Variants in SGMS2 observed in about 807,000 individuals in gnomAD.
SGMS2 encodes the protein sphingomyelin synthase 2.
In SGMS2, 21 loss-of-function variants were observed where a neutral mutation model predicts 43.8. The observed-to-expected ratio is 0.48, with a 90% CI of 0.34 to 0.69. The LOEUF is 0.69. Among genes scored for constraint, SGMS2 ranks in the 30% least tolerant of loss-of-function variants. The probability of loss-of-function intolerance (pLI) is 0.01; values close to 1 mark genes in which losing one functional copy is unlikely to be tolerated. For missense variants in SGMS2, 384 were observed against 443.2 expected (o/e 0.87, Z 1.20); for synonymous variants, 167 against 160.6 (o/e 1.04, Z -0.30).
chr4:107,894,869 T>C (rs1428586239), intron 2 of SGMS2, among the ~76,000 whole-genome samples: 14 of 152,224 alleles, frequency 9.2e-5, no homozygotes, highest in Non-Finnish European at 2.1e-4. Context: ...GTAACAATTA[T>C]TCAATGCATA....
At chr4:107,846,068 A>C (rs897548157) in intron 1 of SGMS2, among the ~76,000 whole-genome samples, 5 of 152,088 alleles carry the variant, frequency 3.3e-5, no homozygotes, top group Non-Finnish European at 7.4e-5. Flanking sequence ...GCAAATTGTC[A>C]TTATTCTTAA....
intron 1 of SGMS2, among the ~76,000 whole-genome samples, chr4:107,849,596 C>T (rs1412575437): frequency 6.6e-6 from 1 of 152,090 alleles, no homozygotes; most frequent in Non-Finnish European, 1.5e-5. Flanking sequence ...AGATGAACTG[C>T]AAATTGTGGT....
intron 5 of SGMS2, among the ~76,000 whole-genome samples, chr4:107,903,638 A>G (rs532365078): frequency 5.9e-5 from 9 of 152,202 alleles, no homozygotes; most frequent in Admixed American, 5.9e-4. Flanking sequence ...GCTTCTCTCT[A>G]GCATTTAACA....
At position 107,876,761 on chromosome 4, in the gene SGMS2, C is replaced by G. The variant is rs75986325; in HGVS notation, c.-245+18208C>G. On this transcript the variant is annotated intron_variant, in intron 2 of 6. Coordinates refer to ENST00000690982, the MANE Select transcript of SGMS2 (RefSeq NM_001375905.1). Reference sequence around the variant, plus strand: ...ATTTTTTATCCTGAGTTTTCTACAACAAGATTATGTTTCCAAATCTAGGAA... The same window carrying G: ...ATTTTTTATCCTGAGTTTTCTACAAGAAGATTATGTTTCCAAATCTAGGAA... Among the ~76,000 whole-genome samples the G allele has an allele frequency of 7.0e-3, 1,062 of 152,106 alleles. 8 individuals carry two copies. The highest frequency in any genetic ancestry group is 0.024 in the African/African-American group (1,016 of 41,486).
chr4:107,841,571 C>G (rs1201810769), intron 1 of SGMS2, among the ~76,000 whole-genome samples: 2 of 152,072 alleles, frequency 1.3e-5, no homozygotes, highest in Non-Finnish European at 2.9e-5. Flanking sequence ...GAGACCAACA[C>G]TAGTTGGGAA....
intron 2 of SGMS2, among the ~76,000 whole-genome samples, chr4:107,885,714 T>G (rs1729695683): frequency 6.6e-6 from 1 of 152,160 alleles, no homozygotes; most frequent in South Asian, 2.1e-4. Flanking sequence ...AGAATATATA[T>G]GTGAAAATAA....
chr4:107,827,315 C>G (rs1725647689), intron 1 of SGMS2, among the ~76,000 whole-genome samples: 1 of 152,140 alleles, frequency 6.6e-6, no homozygotes, highest in African/African-American at 2.4e-5. Context: ...AGCCACTGTG[C>G]TAGGGGCCAG....
rs918371854 is a variant in SGMS2, at chr4:107,914,045, T to A, written c.*3492T>A. On this transcript the variant is annotated 3_prime_UTR_variant, in exon 7 of 7. Coordinates refer to ENST00000690982, the MANE Select transcript of SGMS2 (RefSeq NM_001375905.1). ...TTTAAATCAAGCATATTATAAGTTA[T>A]ATGCCATGTGTTGAAGGCTTTTCTA... The A allele has an allele frequency of 6.6e-6, 1 of 152,132 alleles. No individual in the cohort carries two copies. The highest frequency in any genetic ancestry group is 2.4e-5 in the African/African-American group (1 of 41,460). The allele number at this position is 152,132 out of a possible 1,614,324, so 9.4% of individuals were successfully genotyped here. A position where few individuals can be genotyped will look rare whatever the true frequency, so the allele number is the denominator to read the frequency against.
intron 2 of SGMS2, among the ~76,000 whole-genome samples, chr4:107,873,749 C>T (rs1873859): frequency 1 from 152,248 of 152,254 alleles, 76,121 homozygotes; most frequent in Middle Eastern, 1. Flanking sequence ...TGTAGAATTT[C>T]AATATCACGT....
intron 1 of SGMS2, among the ~76,000 whole-genome samples, chr4:107,833,156 C>G (rs894982076): frequency 6.6e-6 from 1 of 152,236 alleles, no homozygotes; most frequent in South Asian, 2.1e-4. Context: ...TCCCATCCCC[C>G]ACTCAGCACA....
intron 2 of SGMS2, among the ~76,000 whole-genome samples, chr4:107,876,982 A>G (rs1560653682): frequency 6.6e-6 from 1 of 152,152 alleles, no homozygotes; most frequent in Non-Finnish European, 1.5e-5. Context: ...ACTCCAATAT[A>G]AGTCTTAAAT....
chr4:107,887,898 A>C (rs992224931), intron 2 of SGMS2, among the ~76,000 whole-genome samples: 3 of 152,216 alleles, frequency 2.0e-5, no homozygotes, highest in Non-Finnish European at 4.4e-5. Context: ...AAACTTCCAT[A>C]AGCCTTTTAT....
chr4:107,855,292 A>G (rs879552829), intron 1 of SGMS2, among the ~76,000 whole-genome samples: 1 of 151,804 alleles, frequency 6.6e-6, no homozygotes, highest in Non-Finnish European at 1.5e-5. Context: ...TAGGTTATTT[A>G]TTTGGAGTCT....
intron 1 of SGMS2, among the ~76,000 whole-genome samples, chr4:107,832,247 G>T (rs187272773): frequency 2.0e-5 from 3 of 152,052 alleles, no homozygotes; most frequent in Admixed American, 2.0e-4. Flanking sequence ...ATATATTTAC[G>T]TATATATAAA....
intron 5 of SGMS2, 105 bp from the exon 6 acceptor site, chr4:107,908,460 A>G (rs1731800695): frequency 1.8e-6 from 2 of 1,116,164 alleles, no homozygotes; most frequent in Non-Finnish European, 1.3e-6. Context: ...CCTTCTGGTG[A>G]CTTCCTGATC....
rs200231547 is a variant in SGMS2, at chr4:107,910,346, A to G, written c.895-4A>G. The G allele has an allele frequency of 4.3e-6, 7 of 1,611,544 alleles. No homozygotes were observed. The highest frequency in any genetic ancestry group is 5.1e-6 in the Non-Finnish European group (6 of 1,178,886). On this transcript the variant is annotated splice_polypyrimidine_tract_variant and splice_region_variant and intron_variant, in intron 6 of 6. Transcript: ENST00000690982. ...TCATTTAAATTTTTTTCTACCATTTACAGAACTTGAAGGTCTCTTCACAGA... is the reference window on the plus strand; with the variant it reads ...TCATTTAAATTTTTTTCTACCATTTGCAGAACTTGAAGGTCTCTTCACAGA...
rs931078833 is a variant in SGMS2, at chr4:107,914,400, T to A, written c.*3847T>A. 3.3e-5 allele frequency: 5 copies of A among 152,112 alleles called. No homozygotes were observed. Among genetic ancestry groups the A allele is most frequent in the Non-Finnish European group, 7.4e-5 (5 of 67,964 alleles). The allele number at this position is 152,112 out of a possible 1,614,324, so 9.4% of individuals were successfully genotyped here. ...ACAAAAACTAATCTAATTGCCAAGT[T>A]AGAATTCATTATTTAATTTACCTCC... On this transcript the variant is annotated 3_prime_UTR_variant, in exon 7 of 7. Transcript: ENST00000690982.
At chr4:107,842,280 C>T (rs1252087807) in intron 1 of SGMS2, among the ~76,000 whole-genome samples, 1 of 152,146 alleles carries the variant, frequency 6.6e-6, no homozygotes, top group Non-Finnish European at 1.5e-5. Context: ...GTAATGCCAA[C>T]ATCTGCTTCT....
intron 2 of SGMS2, among the ~76,000 whole-genome samples, chr4:107,883,738 G>A (rs996749187): frequency 1.3e-5 from 2 of 152,102 alleles, no homozygotes; most frequent in Non-Finnish European, 1.5e-5. Context: ...AAATATGCTT[G>A]TAAAAATATG....
Sources: gnomAD v4.1 joint callset for allele counts (sites outside exome capture counted in the v4.1 genomes callset) on GRCh38, gnomAD v4.1.1 for gene constraint, MANE v1.5 for transcripts, NCBI Gene and HGNC (gene_info 2026-07-23, HGNC 2026-07-21) for gene names.